PLXDC2: variants seen among roughly 807,000 people sequenced by gnomAD.
The protein encoded by PLXDC2 is plexin domain-containing protein 2.
In PLXDC2, 40 loss-of-function variants were observed where a neutral mutation model predicts 68.9. That is an observed-to-expected ratio of 0.58 (90% CI 0.45 to 0.76). The LOEUF is 0.76. Among genes scored for constraint, PLXDC2 ranks in the 30% least tolerant of loss-of-function variants. The probability of loss-of-function intolerance (pLI) is 0.00; values close to 1 mark genes in which losing one functional copy is unlikely to be tolerated. For missense variants in PLXDC2, 644 were observed against 661.9 expected (o/e 0.97, Z 0.30); for synonymous variants, 243 against 234.2 (o/e 1.04, Z -0.34).
At chr10:20,055,106 A>G (rs1054784168) in intron 3 of PLXDC2, among the ~76,000 whole-genome samples, 3 of 152,134 alleles carry the variant, frequency 2.0e-5, no homozygotes, top group South Asian at 4.1e-4. Context: ...ATCTCACTCT[A>G]TATCTGTCAT....
At chr10:20,007,194 C>A (rs2131641491) in intron 2 of PLXDC2, among the ~76,000 whole-genome samples, 1 of 152,290 alleles carries the variant, frequency 6.6e-6, no homozygotes, top group Non-Finnish European at 1.5e-5. Flanking sequence ...AGCATCTTCC[C>A]CTGGAAGCTG....
At position 20,165,251 on chromosome 10, in the gene PLXDC2, C is replaced by T. The variant is rs557098105; in HGVS notation, c.883+684C>T. Among the ~76,000 whole-genome samples the T allele has an allele frequency of 4.6e-5, 7 of 151,982 alleles. No individual in the cohort carries two copies. The South Asian group carries it at 1.3e-3, about 27-fold the overall frequency. ...TTTGGCTTAAGTGTATGAGCAAAAC[C>T]GCAGCTTTGTGCTATCTTTTTTTTT... On this transcript the variant is annotated intron_variant, in intron 7 of 13. Transcript: ENST00000377252.
chr10:20,077,724 C>T (rs894285473), intron 4 of PLXDC2, among the ~76,000 whole-genome samples: 4 of 151,860 alleles, frequency 2.6e-5, no homozygotes, highest in African/African-American at 9.7e-5. Context: ...TAGATGACTC[C>T]AGAAAAATAT....
intron 1 of PLXDC2, among the ~76,000 whole-genome samples, chr10:19,931,565 C>T (rs1296175949): frequency 6.6e-6 from 1 of 152,172 alleles, no homozygotes; most frequent in African/African-American, 2.4e-5. Flanking sequence ...CTTCTAATGC[C>T]AGTAATGATC....
At chr10:19,886,196 A>G (rs558440953) in intron 1 of PLXDC2, among the ~76,000 whole-genome samples, 3 of 152,252 alleles carry the variant, frequency 2.0e-5, no homozygotes, top group Admixed American at 6.5e-5. Flanking sequence ...ATTTTTGTAC[A>G]TTGATTTTGT....
intron 3 of PLXDC2, among the ~76,000 whole-genome samples, chr10:20,060,280 C>A (rs1836077456): frequency 1.2e-5 from 1 of 85,482 alleles, no homozygotes; most frequent in South Asian, 3.0e-4. Flanking sequence ...CTCCTGCCTC[C>A]CAAAGCACTG....
chr10:20,098,868 A>G (rs1048249165), intron 4 of PLXDC2, among the ~76,000 whole-genome samples: 6 of 152,162 alleles, frequency 3.9e-5, no homozygotes, highest in Non-Finnish European at 5.9e-5. Flanking sequence ...TGCAATAGGA[A>G]TGGCTAACAT....
chr10:20,064,523 G>T (rs2131702616), intron 3 of PLXDC2, among the ~76,000 whole-genome samples: 2 of 152,132 alleles, frequency 1.3e-5, no homozygotes, highest in South Asian at 4.2e-4. Flanking sequence ...TTATGACAAT[G>T]CCCAGGGTTC....
chr10:19,901,251 C>T (rs1420970852), intron 1 of PLXDC2, among the ~76,000 whole-genome samples: 3 of 152,084 alleles, frequency 2.0e-5, no homozygotes, highest in Non-Finnish European at 2.9e-5. Flanking sequence ...GGAATCTCTA[C>T]ACTGTTTTCC....
intron 3 of PLXDC2, among the ~76,000 whole-genome samples, chr10:20,066,994 G>A (rs553519216): frequency 3.9e-5 from 6 of 152,128 alleles, no homozygotes; most frequent in South Asian, 2.1e-4. Context: ...ATTATATTAG[G>A]TTGGTGCAAA....
rs79035013 is a variant in PLXDC2, at chr10:20,267,403, C to T, written c.1474-12300C>T. ...GCTTAACAGAAGCAGAATCAGGAATCAGTAAAATGCAGCAGGAAGAAGATA... is the reference window on the plus strand; with the variant it reads ...GCTTAACAGAAGCAGAATCAGGAATTAGTAAAATGCAGCAGGAAGAAGATA... On this transcript the variant is annotated intron_variant, in intron 13 of 13. Coordinates refer to ENST00000377252, the MANE Select transcript of PLXDC2 (RefSeq NM_032812.9). Among the ~76,000 whole-genome samples the T allele has an allele frequency of 6.6e-3, 1,005 of 152,204 alleles. 3 individuals are homozygous for T. The highest frequency in any genetic ancestry group is 0.01 in the Non-Finnish European group (695 of 67,996).
At chr10:19,926,077 C>G (rs1833533964) in intron 1 of PLXDC2, among the ~76,000 whole-genome samples, 1 of 152,012 alleles carries the variant, frequency 6.6e-6, no homozygotes, top group African/African-American at 2.4e-5. Flanking sequence ...TAGGAGTAAA[C>G]AAAAAATTTG....
intron 1 of PLXDC2, among the ~76,000 whole-genome samples, chr10:19,860,970 C>G (rs1040198917): frequency 4.0e-5 from 6 of 151,336 alleles, no homozygotes; most frequent in African/African-American, 1.2e-4. Flanking sequence ...CCCCAAGACA[C>G]TTAATTACTG....
At chr10:19,998,286 A>G (rs1343678879) in intron 1 of PLXDC2, among the ~76,000 whole-genome samples, 1 of 152,204 alleles carries the variant, frequency 6.6e-6, no homozygotes, top group Non-Finnish European at 1.5e-5. Context: ...GTAATTTACA[A>G]TATAGATAAC....
chr10:19,887,721 C>G (rs758255055), intron 1 of PLXDC2, among the ~76,000 whole-genome samples: 2 of 152,274 alleles, frequency 1.3e-5, no homozygotes, highest in East Asian at 3.9e-4. Context: ...ATAGAAATCA[C>G]TCAAAATATC....
At chr10:20,199,440 T>C (rs1338851856) in intron 9 of PLXDC2, among the ~76,000 whole-genome samples, 3 of 151,890 alleles carry the variant, frequency 2.0e-5, no homozygotes, top group Admixed American at 1.3e-4. Context: ...GATAAGACTA[T>C]TGGAAAGGAG....
chr10:19,863,270 G>A (rs971589931), intron 1 of PLXDC2, among the ~76,000 whole-genome samples: 4 of 152,218 alleles, frequency 2.6e-5, no homozygotes, highest in Admixed American at 6.5e-5. Context: ...AAGTTGTATT[G>A]ACAAAGACAT....
intron 1 of PLXDC2, among the ~76,000 whole-genome samples, chr10:19,956,172 G>A (rs1411173428): frequency 6.6e-6 from 1 of 152,034 alleles, no homozygotes; most frequent in Non-Finnish European, 1.5e-5. Flanking sequence ...TACTTTATTT[G>A]TTTCTGTAAT....
chr10:20,217,288 T>C (rs865939223), intron 10 of PLXDC2, 138 bp from the exon 11 acceptor site: 15 of 662,950 alleles, frequency 2.3e-5, no homozygotes, highest in Middle Eastern at 3.8e-4. Flanking sequence ...ATCATTAATA[T>C]AGTCTTGTAC....
Sources: gnomAD v4.1 joint callset for allele counts (sites outside exome capture counted in the v4.1 genomes callset) on GRCh38, gnomAD v4.1.1 for gene constraint, MANE v1.5 for transcripts, NCBI Gene and HGNC (gene_info 2026-07-23, HGNC 2026-07-21) for gene names.